Variants in EPB41L5 observed in about 807,000 individuals in gnomAD.
EPB41L5 encodes the protein erythrocyte membrane protein band 4.1 like 5.
EPB41L5 carries 55 observed loss-of-function variants against 106.6 expected under a neutral mutation model. The observed-to-expected ratio is 0.52, with a 90% CI of 0.42 to 0.65. The LOEUF is 0.65. Ranked by LOEUF, EPB41L5 falls within the 30% of genes least tolerant of loss-of-function variation. The probability of loss-of-function intolerance (pLI) is 0.00; values close to 1 mark genes in which losing one functional copy is unlikely to be tolerated. For missense variants in EPB41L5, 871 were observed against 882.1 expected (o/e 0.99, Z 0.16); for synonymous variants, 297 against 306.7 (o/e 0.97, Z 0.33).
chr2:120,141,107 T>C (rs1382473998), intron 18 of EPB41L5, among the ~76,000 whole-genome samples: 1 of 152,098 alleles, frequency 6.6e-6, no homozygotes, highest in Non-Finnish European at 1.5e-5. Context: ...GCCTGCATTA[T>C]GCAGGATTTA....
intron 20 of EPB41L5, 145 bp from the exon 21 acceptor site, chr2:120,160,736 A>G (rs756538365): frequency 1.9e-4 from 118 of 615,052 alleles, no homozygotes; most frequent in Non-Finnish European, 3.2e-4. Context: ...GTTTGGATTT[A>G]CATTTCCCTG....
chr2:120,028,153 C>T (rs530116419), intron 2 of EPB41L5, among the ~76,000 whole-genome samples: 10 of 152,128 alleles, frequency 6.6e-5, no homozygotes, highest in Non-Finnish European at 4.4e-5. Flanking sequence ...CGTGAGCCAC[C>T]GCGCCCGGCC....
At chr2:120,154,458 C>G (rs1294774410) in intron 20 of EPB41L5, among the ~76,000 whole-genome samples, 1 of 151,874 alleles carries the variant, frequency 6.6e-6, no homozygotes, top group African/African-American at 2.4e-5. Flanking sequence ...AGCCACTGCA[C>G]CCGGCCCCTT....
At chr2:120,077,498 A>C (rs544067113) in intron 9 of EPB41L5, among the ~76,000 whole-genome samples, 182 bp downstream of exon 9, 3 of 152,374 alleles carry the variant, frequency 2.0e-5, no homozygotes, top group Non-Finnish European at 2.9e-5. Flanking sequence ...AGAAAGGTTC[A>C]TTATAAGAAA....
At chr2:120,093,527 T>C (rs1361386592) in intron 14 of EPB41L5, among the ~76,000 whole-genome samples, 3 of 152,222 alleles carry the variant, frequency 2.0e-5, no homozygotes, top group Admixed American at 2.0e-4. Flanking sequence ...ACCTTTGTTA[T>C]TGGCAAGTGG....
intron 3 of EPB41L5, among the ~76,000 whole-genome samples, chr2:120,063,721 G>A (rs942130661): frequency 2.0e-5 from 3 of 152,038 alleles, no homozygotes; most frequent in African/African-American, 4.8e-5. Flanking sequence ...CGAGAGGGGC[G>A]GATCACCTGA....
chr2:120,053,506 C>A (rs1413413186), intron 3 of EPB41L5, among the ~76,000 whole-genome samples: 1 of 152,148 alleles, frequency 6.6e-6, no homozygotes, highest in Non-Finnish European at 1.5e-5. Context: ...TTCCCATTTA[C>A]CCCTCCCCAC....
chr2:120,082,873 A>G (rs1436157865), intron 10 of EPB41L5, among the ~76,000 whole-genome samples: 1 of 151,960 alleles, frequency 6.6e-6, no homozygotes, highest in Non-Finnish European at 1.5e-5. Flanking sequence ...TCTATTCTAG[A>G]TTTTTTGTTT....
At chr2:120,066,344 A>C (rs1418619323) in intron 3 of EPB41L5, among the ~76,000 whole-genome samples, 1 of 152,204 alleles carries the variant, frequency 6.6e-6, no homozygotes, top group East Asian at 1.9e-4. Context: ...TGTGAATGAA[A>C]ATATGTATTT....
chr2:120,147,102 C>T (rs1372917510), intron 20 of EPB41L5, among the ~76,000 whole-genome samples: 2 of 152,154 alleles, frequency 1.3e-5, no homozygotes, highest in African/African-American at 2.4e-5. Flanking sequence ...AATCCCAGCA[C>T]TTTCAGAGGT....
chr2:120,081,205 T>A (rs954178433), intron 10 of EPB41L5, among the ~76,000 whole-genome samples: 1 of 152,162 alleles, frequency 6.6e-6, no homozygotes, highest in Non-Finnish European at 1.5e-5. Flanking sequence ...CTGAATGGTA[T>A]TGCCTAGGTT....
rs570718044 is a variant in EPB41L5 at position 120,098,780 on chromosome 2, C to T, written c.1179-1464C>T. On this transcript the variant is annotated intron_variant, in intron 14 of 24. Transcript: ENST00000263713. ...TCATTCCCCAGCGTTTTAGCAGGGCCTCTCTTCATTCTTAGGTTCTTAACT... is the reference window on the plus strand; with the variant it reads ...TCATTCCCCAGCGTTTTAGCAGGGCTTCTCTTCATTCTTAGGTTCTTAACT... 3.3e-5 allele frequency among the ~76,000 whole-genome samples: 5 copies of T among 152,298 alleles called. No individual in the cohort carries two copies. The South Asian group carries it at 1.0e-3, about 32-fold the overall frequency.
At chr2:120,112,278 C>T (rs1353473943) in intron 16 of EPB41L5, among the ~76,000 whole-genome samples, 1 of 152,096 alleles carries the variant, frequency 6.6e-6, no homozygotes, top group African/African-American at 2.4e-5. Flanking sequence ...GGACATAACC[C>T]TATTGGGTAA....
At chr2:120,030,009 G>A (rs1165701445) in intron 2 of EPB41L5, among the ~76,000 whole-genome samples, 2 of 152,138 alleles carry the variant, frequency 1.3e-5, no homozygotes, top group South Asian at 2.1e-4. Context: ...GATTGAAACC[G>A]CCTTGGCAAA....
intron 3 of EPB41L5, among the ~76,000 whole-genome samples, chr2:120,056,479 A>G (rs1040540903): frequency 2.0e-5 from 3 of 151,740 alleles, no homozygotes; most frequent in Non-Finnish European, 4.4e-5. Context: ...TTGTATTTTT[A>G]GTAGAGATGG....
At chr2:120,167,774 C>T in intron 23 of EPB41L5, 103 bp from the exon 24 acceptor site, 2 of 1,376,814 alleles carry the variant, frequency 1.5e-6, no homozygotes, top group South Asian at 2.5e-5. Context: ...TCAAAACCAT[C>T]TTCGTTAATC....
At chr2:120,109,735 A>G (rs1684634348) in intron 16 of EPB41L5, among the ~76,000 whole-genome samples, 1 of 152,076 alleles carries the variant, frequency 6.6e-6, no homozygotes, top group African/African-American at 2.4e-5. Flanking sequence ...CCTTGAATCT[A>G]CCTCTTTTGG....
intron 2 of EPB41L5, among the ~76,000 whole-genome samples, chr2:120,024,854 C>T (rs189971084): frequency 9.5e-4 from 144 of 152,164 alleles, no homozygotes; most frequent in African/African-American, 3.3e-3. Flanking sequence ...GGTATGAGGC[C>T]GACTTGATCA....
At chr2:120,154,227 T>C (rs555755877) in intron 20 of EPB41L5, among the ~76,000 whole-genome samples, 4 of 152,028 alleles carry the variant, frequency 2.6e-5, no homozygotes, top group Non-Finnish European at 5.9e-5. Flanking sequence ...GGCACAATCT[T>C]GGCTCACCGC....
Sources: gnomAD v4.1 joint callset for allele counts (sites outside exome capture counted in the v4.1 genomes callset) on GRCh38, gnomAD v4.1.1 for gene constraint, MANE v1.5 for transcripts, NCBI Gene and HGNC (gene_info 2026-07-23, HGNC 2026-07-21) for gene names.